Variants in TMCO5A observed in about 807,000 individuals in gnomAD.
TMCO5A encodes transmembrane and coiled-coil domain-containing protein 5A.
TMCO5A carries 34 observed loss-of-function variants against 42.3 expected under a neutral mutation model. The observed-to-expected ratio is 0.80, with a 90% CI of 0.61 to 1.07. The LOEUF is 1.07. Among genes scored for constraint, TMCO5A ranks in the 50% least tolerant of loss-of-function variants. The pLI, the probability that TMCO5A is intolerant of heterozygous loss-of-function variation, is 0.00. For missense variants in TMCO5A, 357 were observed against 327.9 expected (o/e 1.09, Z -0.69); for synonymous variants, 131 against 115.6 (o/e 1.13, Z -0.86).
At chr15:37,939,664 A>G (rs1194160673) in intron 6 of TMCO5A, among the ~76,000 whole-genome samples, 1 of 151,740 alleles carries the variant, frequency 6.6e-6, no homozygotes, top group African/African-American at 2.4e-5. Context: ...CCTTTGAACC[A>G]CTCTTTGCCC....
chr15:38,034,340 G>A, the TMCO5A span, among the ~76,000 whole-genome samples: 1 of 152,126 alleles, frequency 6.6e-6, no homozygotes, highest in South Asian at 2.1e-4. Context: ...TTGAGCACCA[G>A]AGTCCTAAAA....
the TMCO5A span, among the ~76,000 whole-genome samples, chr15:38,005,874 C>T: frequency 6.5e-3 from 991 of 152,326 alleles, 8 homozygotes; most frequent in African/African-American, 0.023. Context: ...TTCTTTCTCA[C>T]AGTTCATGGA....
the TMCO5A span, among the ~76,000 whole-genome samples, chr15:38,001,847 C>T: frequency 7.9e-5 from 12 of 151,788 alleles, no homozygotes; most frequent in African/African-American, 2.4e-4. Flanking sequence ...TTTTGTTGTT[C>T]CTATTTATAT....
chr15:37,946,542 C>G (rs549431856), intron 10 of TMCO5A, among the ~76,000 whole-genome samples: 1 of 152,058 alleles, frequency 6.6e-6, no homozygotes, highest in African/African-American at 2.4e-5. Context: ...TTTCTTTCAG[C>G]GATGGTTTGT....
chr15:37,943,140 T>C (rs1889811368), intron 9 of TMCO5A: 2 of 447,712 alleles, frequency 4.5e-6, no homozygotes, highest in Admixed American at 4.0e-5. Context: ...TAACTACATA[T>C]GGCAATTGAG....
chr15:37,952,504 G>A (rs921023005), downstream of TMCO5A, among the ~76,000 whole-genome samples: 2 of 152,130 alleles, frequency 1.3e-5, no homozygotes, highest in Non-Finnish European at 2.9e-5. Flanking sequence ...AGAGGACTCA[G>A]TCCTGGAAGG....
intron 3 of TMCO5A, 44 bp downstream of exon 3, chr15:37,936,507 G>T: frequency 6.3e-7 from 1 of 1,581,304 alleles, no homozygotes; most frequent in Admixed American, 1.8e-5. Flanking sequence ...ATCCAAAGAA[G>T]GGGTGGAGGA....
At chr15:37,959,266 TA>T (rs1163923761) in intron 11 of TMCO5A, among the ~76,000 whole-genome samples, 1 of 151,738 alleles carries the variant, frequency 6.6e-6, no homozygotes, top group Non-Finnish European at 1.5e-5. Flanking sequence ...AAAGTATAAT[TA>T]AAAAATAAAT....
chr15:38,022,664 G>T, the TMCO5A span, among the ~76,000 whole-genome samples: 1 of 152,192 alleles, frequency 6.6e-6, no homozygotes, highest in Non-Finnish European at 1.5e-5. Context: ...GGGTTTGGGT[G>T]ATAATGATGT....
At chr15:37,945,687 T>A (rs1254764584) in intron 10 of TMCO5A, among the ~76,000 whole-genome samples, 2 of 152,212 alleles carry the variant, frequency 1.3e-5, no homozygotes, top group African/African-American at 4.8e-5. Flanking sequence ...GAGAAGTGTC[T>A]GTTCATCTTC....
At chr15:37,996,821 G>A in the TMCO5A span, among the ~76,000 whole-genome samples, 3 of 152,080 alleles carry the variant, frequency 2.0e-5, no homozygotes, top group African/African-American at 7.2e-5. Flanking sequence ...GCTTGATGAC[G>A]CCTGTGATTT....
chr15:38,020,780 A>T, the TMCO5A span, among the ~76,000 whole-genome samples: 2 of 152,310 alleles, frequency 1.3e-5, no homozygotes, highest in Admixed American at 6.5e-5. Context: ...TTAAATAAAA[A>T]TAAATAAATA....
the TMCO5A span, among the ~76,000 whole-genome samples, chr15:37,992,953 T>C: frequency 0.22 from 34,013 of 152,142 alleles, 9,255 homozygotes; most frequent in African/African-American, 0.65. Flanking sequence ...CCCAATGACA[T>C]GAATTTACCT....
chr15:38,010,377 C>A, the TMCO5A span, among the ~76,000 whole-genome samples: 22,433 of 105,236 alleles, frequency 0.21, 2,329 homozygotes, highest in Middle Eastern at 0.35. Context: ...AGCGAGACTC[C>A]GTCTCCAAAA....
chr15:38,003,262 C>T, the TMCO5A span, among the ~76,000 whole-genome samples: 1 of 151,556 alleles, frequency 6.6e-6, no homozygotes, highest in Admixed American at 6.5e-5. Flanking sequence ...CCTCCCATCA[C>T]TCTCTCCCCA....
the TMCO5A span, among the ~76,000 whole-genome samples, chr15:38,006,564 T>A: frequency 6.6e-6 from 1 of 152,224 alleles, no homozygotes. Flanking sequence ...AAGTGAACAC[T>A]GAGAAGCATT....
chr15:37,938,105 G>T lies in TMCO5A; in HGVS notation c.316-53G>T, dbSNP rs1385959320. ...TACTAATCTCCACACACCAGAGAAA[G>T]TCTTTGCCTTCTACACCTTTTAATT... is the stretch of plus-strand genomic sequence containing the variant. On this transcript the variant is annotated intron_variant, in intron 5 of 11. Transcript: ENST00000319669. 3 of 1,450,254 alleles carry T rather than the reference G, an allele frequency of 2.1e-6. No individual in the cohort carries two copies. In the African/African-American group the frequency reaches 4.3e-5, roughly 21 times the overall value. 89.8% of individuals were successfully genotyped at this position (1,450,254 alleles called of 1,614,324 possible).
chr15:38,019,568 CA>C, the TMCO5A span, among the ~76,000 whole-genome samples: 17 of 152,104 alleles, frequency 1.1e-4, no homozygotes, highest in African/African-American at 4.1e-4. Context: ...CAACCTCCCC[CA>C]CTGTCAGCAT....
the TMCO5A span, among the ~76,000 whole-genome samples, chr15:38,014,651 C>A: frequency 6.6e-6 from 1 of 151,874 alleles, no homozygotes; most frequent in Admixed American, 6.6e-5. Flanking sequence ...TCTACCCCCG[C>A]AAGTTCTACC....
Sources: allele counts gnomAD v4.1 joint callset (sites outside exome capture counted in the v4.1 genomes callset), GRCh38; gene constraint gnomAD v4.1.1; transcripts MANE v1.5; gene names NCBI Gene and HGNC (gene_info 2026-07-23, HGNC 2026-07-21).